The following DNM3 variants were observed in gnomAD, a reference collection of about 807,000 sequenced individuals.
DNM3 encodes the protein dynamin-3.
In DNM3, 47 loss-of-function variants were observed where a neutral mutation model predicts 101.6. The ratio of observed to expected loss-of-function variants is 0.46; its 90% CI spans 0.37 to 0.59. The LOEUF is 0.59. Ranked by LOEUF, DNM3 falls within the 20% of genes least tolerant of loss-of-function variation. The pLI is 0.00. For missense variants in DNM3, 849 were observed against 1,085.7 expected, an observed-to-expected ratio of 0.78 and a Z score of 3.06; for synonymous variants, 385 against 387.9, an observed-to-expected ratio of 0.99 and a Z score of 0.09.
At position 172,131,765 on chromosome 1, in the gene DNM3, A is replaced by G. The variant is rs552687401; in HGVS notation, c.1659+477A>G. On this transcript the variant is annotated intron_variant, in intron 14 of 20. Transcript: ENST00000627582. ...AGAACGTCCACATCGCTAGTCTTCA[A>G]GTGAGTCTCAGATCATTGTTTATAC... The G allele has an allele frequency of 3.5e-5, 13 of 375,380 alleles. No homozygotes were observed. The East Asian group carries it at 8.6e-4, about 25-fold the overall frequency. 23.3% of individuals were successfully genotyped at this position (375,380 alleles called of 1,614,324 possible). A position where few individuals can be genotyped will look rare whatever the true frequency, so the allele number is the denominator to read the frequency against.
intron 14 of DNM3, among the ~76,000 whole-genome samples, chr1:172,141,478 C>G (rs1186874562): frequency 1.3e-5 from 2 of 152,048 alleles, no homozygotes; most frequent in Non-Finnish European, 2.9e-5. Flanking sequence ...AAGAGCAGAT[C>G]CCTTACAGAG....
At chr1:171,902,441 T>G (rs1455966131) in intron 1 of DNM3, among the ~76,000 whole-genome samples, 2 of 152,202 alleles carry the variant, frequency 1.3e-5, no homozygotes, top group Admixed American at 6.5e-5. Context: ...ATCCAAAGTT[T>G]CTGATGTGAG....
chr1:172,314,498 A>G (rs2065227444), intron 16 of DNM3, among the ~76,000 whole-genome samples: 1 of 152,172 alleles, frequency 6.6e-6, no homozygotes, highest in Middle Eastern at 3.2e-3. Context: ...GAAAGGGGTG[A>G]CAGACGGCAC....
intron 14 of DNM3, among the ~76,000 whole-genome samples, chr1:172,175,207 T>C (rs1484968675): frequency 6.6e-6 from 1 of 151,742 alleles, no homozygotes; most frequent in East Asian, 1.9e-4. Context: ...ATTCCTACTT[T>C]TGGAAAAATA....
chr1:172,168,870 C>T (rs904668014), intron 14 of DNM3, among the ~76,000 whole-genome samples: 7 of 151,760 alleles, frequency 4.6e-5, no homozygotes, highest in Admixed American at 4.0e-4. Context: ...TTGCAAAACC[C>T]GAAGATTATC....
At chr1:172,155,440 A>G (rs1360408238) in intron 14 of DNM3, among the ~76,000 whole-genome samples, 1 of 152,020 alleles carries the variant, frequency 6.6e-6, no homozygotes, top group Non-Finnish European at 1.5e-5. Context: ...ATTAAGGTTT[A>G]TTTTATATAC....
rs575178270 is a variant in DNM3 at position 172,068,434 on chromosome 1, G to T, written c.1336-385G>T. Among the ~76,000 whole-genome samples the T allele has an allele frequency of 6.8e-4, 103 of 152,214 alleles. 1 individual carries two copies. Among genetic ancestry groups the T allele is most frequent in the African/African-American group, 2.2e-3 (90 of 41,528 alleles). On this transcript the variant is annotated intron_variant, in intron 10 of 20. Coordinates refer to ENST00000627582, the MANE Select transcript of DNM3 (RefSeq NM_015569.5). ...AGAGGTAATTCATGAAGTTCTTAGC[G>T]CCTGACACGTGGTAGACACTATATA...
chr1:171,939,914 GTC>G (rs1467046126), intron 2 of DNM3, among the ~76,000 whole-genome samples: 2 of 152,066 alleles, frequency 1.3e-5, no homozygotes, highest in Non-Finnish European at 2.9e-5. Flanking sequence ...GGAAGGCATT[GTC>G]TCTGTCTTCC....
At chr1:172,229,711 T>C (rs2061261564) in intron 14 of DNM3, among the ~76,000 whole-genome samples, 1 of 152,134 alleles carries the variant, frequency 6.6e-6, no homozygotes. Flanking sequence ...GTATGTATAT[T>C]ATAATAACAT....
intron 14 of DNM3, among the ~76,000 whole-genome samples, chr1:172,205,890 C>T (rs2060305190): frequency 6.6e-6 from 1 of 152,124 alleles, no homozygotes. Context: ...TAACTTTTCA[C>T]AGTACATGAC....
intron 14 of DNM3, among the ~76,000 whole-genome samples, chr1:172,217,768 A>T (rs552176914): frequency 3.3e-5 from 5 of 152,292 alleles, no homozygotes; most frequent in African/African-American, 7.2e-5. Context: ...GACTGAGAGG[A>T]ATAGACAAAA....
At chr1:171,970,655 C>T (rs1318784004) in intron 2 of DNM3, among the ~76,000 whole-genome samples, 1 of 98,592 alleles carries the variant, frequency 1.0e-5, no homozygotes, top group East Asian at 2.6e-4. Context: ...GCGCTGTATT[C>T]TAAAATTAGC....
Position 172,410,409 on chromosome 1 carries a change from TG to T in DNM3, c.*2569del. The T allele has an allele frequency of 1.0e-6, 1 of 984,260 alleles. No individual in the cohort carries two copies. The highest frequency in any genetic ancestry group is 1.2e-6 in the Non-Finnish European group (1 of 828,882). 61.0% of individuals were successfully genotyped at this position (984,260 alleles called of 1,614,324 possible). A position where few individuals can be genotyped will look rare whatever the true frequency, so the allele number is the denominator to read the frequency against. On this transcript the variant is annotated 3_prime_UTR_variant, in exon 21 of 21. Transcript: ENST00000627582. ...GCTCTGATATTGTAAACACAATAGATGTAGCTCTATCATGTCTAGCATAATT... is the reference window on the plus strand; with the variant it reads ...GCTCTGATATTGTAAACACAATAGATTAGCTCTATCATGTCTAGCATAATT...
intron 14 of DNM3, chr1:172,139,557 A>G (rs1270325055): frequency 6.6e-6 from 1 of 152,518 alleles, no homozygotes; most frequent in African/African-American, 2.4e-5. Flanking sequence ...TGCAAAGTTT[A>G]TAACTGTGGA....
At chr1:172,417,036 A>G (rs572503772), downstream of DNM3, among the ~76,000 whole-genome samples, 3 of 152,262 alleles carry the variant, frequency 2.0e-5, no homozygotes, top group East Asian at 5.8e-4. Flanking sequence ...GTTTGGCTCC[A>G]CTAACATCTC....
In DNM3 at chr1:172,059,929, T is replaced by C. The variant is rs1461314359; in HGVS notation, c.1336-8890T>C. 3.0e-3 allele frequency among the ~76,000 whole-genome samples: 412 copies of C among 135,940 alleles called. 5 individuals are homozygous for C. The highest frequency in any genetic ancestry group is 0.011 in the African/African-American group (400 of 35,630). The allele number at this position is 135,940 out of a possible 152,430, so 89.2% of individuals were successfully genotyped here. ...TTGTCCCTGTTTGCAGACGACATGA[T>C]TGTATATCTAGAAAACCCCATTGTC... On this transcript the variant is annotated intron_variant, in intron 10 of 20. Coordinates refer to ENST00000627582, the MANE Select transcript of DNM3 (RefSeq NM_015569.5).
At chr1:172,215,583 G>A (rs1572981434) in intron 14 of DNM3, among the ~76,000 whole-genome samples, 1 of 151,892 alleles carries the variant, frequency 6.6e-6, no homozygotes. Context: ...GAAAAAAATT[G>A]GAAGATAAAA....
intron 7 of DNM3, among the ~76,000 whole-genome samples, chr1:172,040,601 A>G (rs1430927621): frequency 6.6e-6 from 1 of 152,090 alleles, no homozygotes; most frequent in African/African-American, 2.4e-5. Flanking sequence ...AGGTAAAGAA[A>G]ACACACATTC....
Position 172,409,874 on chromosome 1 carries a change from G to C in DNM3, c.*2033G>C, listed in dbSNP as rs2071111246. On this transcript the variant is annotated 3_prime_UTR_variant, in exon 21 of 21. Coordinates refer to ENST00000627582, the MANE Select transcript of DNM3 (RefSeq NM_015569.5). The stretch of plus-strand genomic sequence containing the variant: ...TGCTGTATTTCAAAATTTTCCTTCT[G>C]TTAAAGGAAAATATTGTGAATAACC... 1 of 985,486 alleles carries C rather than the reference G, an allele frequency of 1.0e-6. No individual in the cohort carries two copies. The highest frequency in any genetic ancestry group is 4.7e-5 in the South Asian group (1 of 21,286). The allele number at this position is 985,486 out of a possible 1,614,324, so 61.0% of individuals were successfully genotyped here. A position where few individuals can be genotyped will look rare whatever the true frequency, so the allele number is the denominator to read the frequency against.
Sources: allele counts gnomAD v4.1 joint callset (sites outside exome capture counted in the v4.1 genomes callset), GRCh38; gene constraint gnomAD v4.1.1; transcripts MANE v1.5; gene names NCBI Gene and HGNC (gene_info 2026-07-23, HGNC 2026-07-21).